PMS2: variants seen among roughly 807,000 people sequenced by gnomAD.
PMS2 encodes mismatch repair endonuclease PMS2.
A neutral mutation model predicts 90.0 loss-of-function variants in PMS2; 69 were observed. The observed-to-expected ratio is 0.77, with a 90% CI of 0.63 to 0.94. The LOEUF is 0.94. Ranked by LOEUF, PMS2 falls within the 40% of genes least tolerant of loss-of-function variation. PMS2 has a pLI of 0.00. For synonymous variants in PMS2, 332 were observed against 375.1 expected (o/e 0.89, Z 1.33); for missense variants, 966 against 1,040.2 (o/e 0.93, Z 0.98).
chr7:5,979,069 G>A (rs1459200516), intron 12 of PMS2, among the ~76,000 whole-genome samples: 3 of 147,892 alleles, frequency 2.0e-5, no homozygotes, highest in East Asian at 3.9e-4. Context: ...GGTGGCGCAC[G>A]CCTGTAGTCC....
At chr7:5,977,348 C>A (rs1306555017) in intron 14 of PMS2, among the ~76,000 whole-genome samples, 6 of 147,592 alleles carry the variant, frequency 4.1e-5, no homozygotes, top group Admixed American at 3.5e-4. Flanking sequence ...AGCCACCATG[C>A]CCGGCCAAGA....
chr7:5,988,558 C>T (rs1457898749), intron 10 of PMS2, among the ~76,000 whole-genome samples: 1 of 151,868 alleles, frequency 6.6e-6, no homozygotes, highest in Non-Finnish European at 1.5e-5. Flanking sequence ...GTGAGACTCC[C>T]TCTCAAAAAA....
chr7:5,994,435 CCTTAA>C (rs1453103621), intron 8 of PMS2, among the ~76,000 whole-genome samples: 1 of 151,312 alleles, frequency 6.6e-6, no homozygotes, highest in Non-Finnish European at 1.5e-5. Context: ...TAGATGCGCT[CCTTAA>C]CTTATGATAG....
intron 1 of PMS2, among the ~76,000 whole-genome samples, chr7:6,008,437 C>T (rs1394353974): frequency 6.6e-6 from 1 of 151,914 alleles, no homozygotes; most frequent in African/African-American, 2.4e-5. Flanking sequence ...GACGCTCTAC[C>T]GTCCCCAAAA....
At chr7:5,999,904 T>G (rs903321819) in intron 5 of PMS2, among the ~76,000 whole-genome samples, 2 of 152,142 alleles carry the variant, frequency 1.3e-5, no homozygotes, top group African/African-American at 4.8e-5. Context: ...CATTTTGGTA[T>G]GCAAAGAGAT....
intron 11 of PMS2, among the ~76,000 whole-genome samples, chr7:5,985,019 A>C (rs760576949): frequency 1.3e-5 from 2 of 151,716 alleles, no homozygotes; most frequent in African/African-American, 4.9e-5. Context: ...CCTATCTTTG[A>C]GGGTCTGTTT....
At chr7:6,000,591 C>T (rs192322309) in intron 5 of PMS2, among the ~76,000 whole-genome samples, 2 of 152,228 alleles carry the variant, frequency 1.3e-5, no homozygotes, top group East Asian at 1.9e-4. Flanking sequence ...AGAAGTTCTA[C>T]ATTCCTGTAT....
At chr7:5,985,367 A>T (rs1782745540) in intron 11 of PMS2, among the ~76,000 whole-genome samples, 1 of 150,662 alleles carries the variant, frequency 6.6e-6, no homozygotes, top group South Asian at 2.1e-4. Flanking sequence ...CAGCCTCCCA[A>T]AGTGCTGGAA....
rs779150753 is a variant in PMS2, at chr7:5,987,119, A to C, written c.1646T>G (p.Val549Gly). 4.3e-6 allele frequency: 7 copies of C among 1,614,116 alleles called. No individual in the cohort carries two copies. The highest frequency in any genetic ancestry group is 1.3e-5 in the African/African-American group (1 of 75,046). The change falls in exon 11 of 15, where the codon GTG becomes GGG. Residue 549 changes from valine to glycine, a missense_variant. Coordinates refer to ENST00000265849, the MANE Select transcript of PMS2 (RefSeq NM_000535.7). ...ATCTTCCTGGTTTGAATGGCAGTCC[A>C]CATCTGAAAAAGAGTCGTCAGTTTT... is the stretch of plus-strand genomic sequence containing the variant. ...APKTDDSFSD[V>G]DCHSNQEDTG... is the part of the protein sequence containing the mutation.
intron 8 of PMS2, 93 bp from the exon 9 acceptor site, chr7:5,992,150 T>C: frequency 1.4e-6 from 1 of 739,896 alleles, no homozygotes; most frequent in Non-Finnish European, 2.4e-6. Flanking sequence ...AACCAGCATG[T>C]TCTTAGAAGG....
chr7:5,997,334 A>G lies in PMS2; in HGVS notation c.795T>C (p.Asn265=), dbSNP rs766667186. The change falls in exon 7 of 15, where the codon AAT becomes AAC. Residue 265 remains asparagine (N), a synonymous_variant. Coordinates refer to ENST00000265849, the MANE Select transcript of PMS2 (RefSeq NM_000535.7). The stretch of plus-strand genomic sequence containing the variant: ...GCCAGCAATCTACTTACTAAAAAAG[A>G]TTATGCAGAGCATCGGAACAGCTCA... ...YGLSCSDALH[N]LFYISGFISQ... 7 of 1,527,512 alleles carry G rather than the reference A, an allele frequency of 4.6e-6. No homozygotes were observed. In the Admixed American group the frequency reaches 5.0e-5, roughly 11 times the overall value. The allele number at this position is 1,527,512 out of a possible 1,614,324, so 94.6% of individuals were successfully genotyped here. A position where few individuals can be genotyped will look rare whatever the true frequency, so the allele number is the denominator to read the frequency against.
chr7:5,983,184 C>T (rs932282634), intron 11 of PMS2, among the ~76,000 whole-genome samples, 193 bp from the exon 12 acceptor site: 10 of 151,794 alleles, frequency 6.6e-5, no homozygotes, highest in South Asian at 4.2e-4. Flanking sequence ...ACAATCTTGG[C>T]TCACTGCAAC....
rs1034709810 is a variant in PMS2 at position 6,002,619 on chromosome 7, G to T, written c.371C>A (p.Thr124Asn). 1 of 1,611,700 alleles carries T rather than the reference G, an allele frequency of 6.2e-7. No individual in the cohort carries two copies. The highest frequency in any genetic ancestry group is 1.3e-5 in the African/African-American group (1 of 74,970). Residue 124 changes from threonine (T) to asparagine (N), a missense_variant, in exon 5 of 15, where the codon ACC becomes AAC. Around this residue, in one of 2 missense-constraint regions of PMS2, gnomAD observed 871 missense variants for 802.4 expected, o/e 1.09. Transcript: ENST00000265849. The part of the protein sequence containing the change: ...LCALSDVTIS[T>N]CHASAKVGTR... ...TCCAACCTTCGCCGATGCGTGGCAGGTAGAAATGGTGACATCGCTGTGAGA... is the reference window on the plus strand; with the variant it reads ...TCCAACCTTCGCCGATGCGTGGCAGTTAGAAATGGTGACATCGCTGTGAGA...
intron 8 of PMS2, among the ~76,000 whole-genome samples, chr7:5,993,889 G>GAAAAAAAAAAAAAAAAAAAAAAA (rs1784066182): frequency 8.6e-6 from 1 of 115,908 alleles, no homozygotes. Context: ...AAAAAAAAAG[G>GAAAAAAAAAAAAAAAAAAAAAAA]AAATATAGAA....
intron 8 of PMS2, among the ~76,000 whole-genome samples, chr7:5,995,333 G>A (rs115225122): frequency 0.02 from 2,998 of 152,178 alleles, 91 homozygotes; most frequent in African/African-American, 0.067. Context: ...CACTGCGCCC[G>A]GACAGAAAAG....
intron 12 of PMS2, among the ~76,000 whole-genome samples, chr7:5,979,177 G>A (rs1330960688): frequency 7.3e-6 from 1 of 137,738 alleles, no homozygotes; most frequent in Non-Finnish European, 1.5e-5. Context: ...ACTCCAGCCT[G>A]GGCGACACAA....
intron 5 of PMS2, chr7:6,002,196 AT>A (rs199809596): frequency 4.4e-5 from 17 of 383,130 alleles, no homozygotes; most frequent in Middle Eastern, 8.3e-4. Context: ...TGCCCAGTAA[AT>A]TTTTTTTTAA....
At chr7:5,987,678 G>A (rs966019297) in intron 10 of PMS2, 58 bp from the exon 11 acceptor site, 30 of 995,112 alleles carry the variant, frequency 3.0e-5, no homozygotes, top group Middle Eastern at 4.1e-4. Context: ...GTGAGAGGAC[G>A]TGCTTATGTG....
intron 12 of PMS2, among the ~76,000 whole-genome samples, 179 bp from the exon 13 acceptor site, chr7:5,978,875 C>G (rs2128685504): frequency 6.7e-6 from 1 of 149,462 alleles, no homozygotes; most frequent in East Asian, 2.0e-4. Flanking sequence ...TTAATTTTCT[C>G]TTTCTTAAAG....
Sources: allele counts gnomAD v4.1 joint callset (sites outside exome capture counted in the v4.1 genomes callset), GRCh38; gene constraint gnomAD v4.1.1; regional missense constraint gnomAD v4.1.1; transcripts MANE v1.5; gene names NCBI Gene and HGNC (gene_info 2026-07-23, HGNC 2026-07-21).